The following COG5 variants were observed in gnomAD, a reference collection of about 807,000 sequenced individuals.
The protein encoded by COG5 is conserved oligomeric Golgi complex subunit 5.
Under a neutral mutation model 110.4 loss-of-function variants are expected in COG5, and 86 were observed. The ratio of observed to expected loss-of-function variants is 0.78; its 90% confidence interval spans 0.65 to 0.93. The LOEUF is 0.93. COG5 is among the 40% of genes least tolerant of loss of function. The pLI, the probability that COG5 is intolerant of heterozygous loss-of-function variation, is 0.00. For missense variants in COG5, 1,077 were observed against 987.0 expected (o/e 1.09, Z -1.22); for synonymous variants, 360 against 334.6 (o/e 1.08, Z -0.83).
At chr7:107,331,305 A>C (rs1039923867) in intron 10 of COG5, among the ~76,000 whole-genome samples, 2 of 152,000 alleles carry the variant, frequency 1.3e-5, no homozygotes, top group African/African-American at 4.8e-5. Context: ...ATCTCTACTA[A>C]AAATACAAAA....
chr7:107,483,483 A>T (rs527788126), intron 6 of COG5, among the ~76,000 whole-genome samples: 2 of 152,274 alleles, frequency 1.3e-5, no homozygotes, highest in African/African-American at 4.8e-5. Flanking sequence ...AGGTGGGTGG[A>T]TCACCTGAGG....
At chr7:107,347,728 A>G (rs1811750416) in intron 10 of COG5, among the ~76,000 whole-genome samples, 1 of 152,250 alleles carries the variant, frequency 6.6e-6, no homozygotes, top group South Asian at 2.1e-4. Context: ...AAACATTTTA[A>G]AACTTAAAAA....
chr7:107,499,791 T>G (rs1372534025), intron 6 of COG5, among the ~76,000 whole-genome samples: 2 of 152,110 alleles, frequency 1.3e-5, no homozygotes, highest in African/African-American at 2.4e-5. Context: ...ATAGTGTATC[T>G]CAATTTCAAA....
chr7:107,307,736 T>C (rs926876513), intron 11 of COG5, among the ~76,000 whole-genome samples: 3 of 152,084 alleles, frequency 2.0e-5, no homozygotes, highest in African/African-American at 7.2e-5. Flanking sequence ...AAGAATGATA[T>C]AATGGACTTT....
intron 12 of COG5, among the ~76,000 whole-genome samples, chr7:107,292,910 T>C (rs1806295546): frequency 6.6e-6 from 1 of 152,202 alleles, no homozygotes; most frequent in African/African-American, 2.4e-5. Context: ...TTAGAAGGTA[T>C]ATGAGCTCTG....
chr7:107,355,984 A>G (rs956111092), intron 10 of COG5, among the ~76,000 whole-genome samples: 4 of 152,256 alleles, frequency 2.6e-5, no homozygotes, highest in Non-Finnish European at 4.4e-5. Context: ...TTAGCACGGT[A>G]TAGTCCCATG....
chr7:107,308,265 G>A (rs183921534), intron 11 of COG5, among the ~76,000 whole-genome samples: 9 of 152,164 alleles, frequency 5.9e-5, no homozygotes, highest in African/African-American at 1.7e-4. Context: ...AATAACTGAG[G>A]AGCTTTTAAA....
intron 17 of COG5, among the ~76,000 whole-genome samples, chr7:107,246,559 T>C (rs1237869040): frequency 6.6e-6 from 1 of 152,074 alleles, no homozygotes; most frequent in Admixed American, 6.6e-5. Flanking sequence ...GCAAAAGACA[T>C]GAACAGACAC....
At chr7:107,420,269 G>C (rs899806772) in intron 6 of COG5, among the ~76,000 whole-genome samples, 11 of 152,202 alleles carry the variant, frequency 7.2e-5, no homozygotes, top group African/African-American at 2.7e-4. Flanking sequence ...AAGTAGGGTT[G>C]TATGGAGCAA....
intron 7 of COG5, among the ~76,000 whole-genome samples, chr7:107,403,240 C>T (rs1791568766): frequency 1.3e-5 from 2 of 152,100 alleles, no homozygotes; most frequent in Admixed American, 6.6e-5. Flanking sequence ...TCTGTTCTGG[C>T]TGCTGTAACA....
At chr7:107,374,671 C>T (rs985158996) in intron 7 of COG5, among the ~76,000 whole-genome samples, 21 of 151,930 alleles carry the variant, frequency 1.4e-4, no homozygotes, top group African/African-American at 4.1e-4. Flanking sequence ...ATTATTTTAA[C>T]GTAATGGTGT....
chr7:107,374,725 C>T (rs142225848), intron 7 of COG5, among the ~76,000 whole-genome samples: 31 of 152,032 alleles, frequency 2.0e-4, no homozygotes, highest in African/African-American at 6.7e-4. Flanking sequence ...GTATATATTA[C>T]AGCATTATTT....
chr7:107,510,236 G>C (rs1455061491), intron 6 of COG5, among the ~76,000 whole-genome samples: 4 of 151,910 alleles, frequency 2.6e-5, no homozygotes. Flanking sequence ...AAAAAAGGCA[G>C]GGGTTGCAAT....
At chr7:107,410,186 C>T (rs1196443757) in intron 7 of COG5, among the ~76,000 whole-genome samples, 1 of 152,094 alleles carries the variant, frequency 6.6e-6, no homozygotes, top group Admixed American at 6.5e-5. Flanking sequence ...TTCTTGGTAC[C>T]AGATCTACTG....
chr7:107,259,624 T>G (rs1015137154), intron 14 of COG5, among the ~76,000 whole-genome samples: 34 of 152,164 alleles, frequency 2.2e-4, no homozygotes, highest in African/African-American at 7.7e-4. Context: ...CATCTGACTA[T>G]AATGGGCATT....
Position 107,208,084 on chromosome 7 carries a change from G to T in COG5, c.2375+2442C>A, listed in dbSNP as rs527588081. ...CAGTATGCAAGAACAAAATTGTTTT[G>T]CAATAATACATAAGAAAGAACATTC... On this transcript the variant is annotated intron_variant, in intron 21 of 21. Coordinates refer to ENST00000297135, the MANE Select transcript of COG5 (RefSeq NM_006348.5). 4.2e-5 allele frequency: 41 copies of T among 985,398 alleles called. No individual in the cohort carries two copies. The African/African-American group carries it at 6.6e-4, about 16-fold the overall frequency. 61.0% of individuals were successfully genotyped at this position (985,398 alleles called of 1,614,324 possible).
At chr7:107,353,424 CA>C (rs1169669994) in intron 10 of COG5, among the ~76,000 whole-genome samples, 6,226 of 83,954 alleles carry the variant, frequency 0.074, 63 homozygotes, top group African/African-American at 0.11. Context: ...GACTCCGTCT[CA>C]AAAAAAAAAA....
chr7:107,412,032 G>A (rs2129066808), intron 7 of COG5, among the ~76,000 whole-genome samples: 1 of 152,212 alleles, frequency 6.6e-6, no homozygotes, highest in East Asian at 1.9e-4. Flanking sequence ...TAATGATTAA[G>A]AGTGCAAAGT....
intron 1 of COG5, 52 bp downstream of exon 1, chr7:107,563,751 G>T: frequency 6.3e-7 from 1 of 1,593,364 alleles, no homozygotes; most frequent in Non-Finnish European, 8.6e-7. Context: ...GTCCAGGTGC[G>T]GAGCAGCGCA....
Sources: allele counts gnomAD v4.1 joint callset (sites outside exome capture counted in the v4.1 genomes callset), GRCh38; gene constraint gnomAD v4.1.1; transcripts MANE v1.5; gene names NCBI Gene and HGNC (gene_info 2026-07-23, HGNC 2026-07-21).